Variants in ARFGEF2 observed in about 807,000 individuals in gnomAD.
ARFGEF2 encodes the protein brefeldin A-inhibited guanine nucleotide-exchange protein 2.
In ARFGEF2, 74 loss-of-function variants were observed where a neutral mutation model predicts 219.9. The observed-to-expected ratio is 0.34, with a 90% CI of 0.28 to 0.41. The LOEUF (loss-of-function observed/expected upper bound fraction) is 0.41. Ranked by LOEUF, ARFGEF2 falls within the 10% of genes least tolerant of loss-of-function variation. The pLI, the probability that ARFGEF2 is intolerant of heterozygous loss-of-function variation, is 1.00. For missense variants in ARFGEF2, 1,743 were observed against 2,218.3 expected, an observed-to-expected ratio of 0.79 and a Z score of 4.30; for synonymous variants, 733 against 799.2, an observed-to-expected ratio of 0.92 and a Z score of 1.40.
rs532409348 is a variant in ARFGEF2, at chr20:48,985,734, C to T, written c.2276+121C>T. 1.6e-5 allele frequency: 17 copies of T among 1,092,814 alleles called. No homozygotes were observed. The African/African-American group carries it at 1.9e-4, about 12-fold the overall frequency. 67.7% of individuals were successfully genotyped at this position (1,092,814 alleles called of 1,614,324 possible). A position where few individuals can be genotyped will look rare whatever the true frequency, so the allele number is the denominator to read the frequency against. The stretch of plus-strand genomic sequence containing the variant: ...GCCAAGCAACTGAAGCTTTTGTTTA[C>T]CGTGTGCCAGGCACTGTGCTAAGGG... On this transcript the variant is annotated intron_variant, in intron 16 of 38. Coordinates refer to ENST00000371917, the MANE Select transcript of ARFGEF2 (RefSeq NM_006420.3).
rs2091225877 is a variant in ARFGEF2, at chr20:48,971,240, T to C, written c.1311T>C (p.Cys437=). ...TCAATGCAATCAAGCAATATCTCTG[T>C]GTGGCCTTGTCCAAAAACGGCGTCT... The part of the protein sequence containing the change: ...MFINAIKQYL[C]VALSKNGVSS... The change falls in exon 10 of 39, where the codon TGT becomes TGC. Residue 437 remains cysteine (C), a synonymous_variant. Coordinates refer to ENST00000371917, the MANE Select transcript of ARFGEF2 (RefSeq NM_006420.3). The C allele has an allele frequency of 6.2e-7, 1 of 1,614,098 alleles. No homozygotes were observed. The highest frequency in any genetic ancestry group is 1.3e-5 in the African/African-American group (1 of 74,916).
At chr20:48,953,041 TC>T (rs1166706199) in intron 5 of ARFGEF2, among the ~76,000 whole-genome samples, 157 bp downstream of exon 5, 1 of 152,220 alleles carries the variant, frequency 6.6e-6, no homozygotes, top group Non-Finnish European at 1.5e-5. Flanking sequence ...GCTTTAAAAA[TC>T]AGAGAAACTA....
chr20:49,017,284 T>C lies in ARFGEF2; in HGVS notation c.4351T>C (p.Leu1451=), dbSNP rs2091536307. The C allele has an allele frequency of 6.2e-7, 1 of 1,614,040 alleles. No homozygotes were observed. Residue 1451 remains leucine (L), a synonymous_variant, in exon 32 of 39, where the codon TTA becomes CTA. Coordinates refer to ENST00000371917, the MANE Select transcript of ARFGEF2 (RefSeq NM_006420.3). ...GTTGGCGCGATCAGGTACAAATTGC[T>C]TAGAAAACTTAGTAATATCCAATGG... The part of the protein sequence containing the change: ...EQLARSGTNC[L]ENLVISNGEK...
At chr20:48,979,035 C>T (rs1349239455) in intron 14 of ARFGEF2, among the ~76,000 whole-genome samples, 1 of 152,198 alleles carries the variant, frequency 6.6e-6, no homozygotes, top group Non-Finnish European at 1.5e-5. Flanking sequence ...TGAGAGACAG[C>T]ATCCCTATCT....
At chr20:49,023,308 C>A in intron 35 of ARFGEF2, 127 bp downstream of exon 35, 1 of 1,286,236 alleles carries the variant, frequency 7.8e-7, no homozygotes, top group Admixed American at 2.0e-5. Flanking sequence ...TCCAACCTCA[C>A]ATTCAGTGAT....
chr20:48,958,070 G>A (rs1163620440), intron 6 of ARFGEF2, among the ~76,000 whole-genome samples: 6 of 152,266 alleles, frequency 3.9e-5, no homozygotes, highest in East Asian at 1.9e-4. Flanking sequence ...AGTGTGATTC[G>A]TTGGAAATTT....
At chr20:48,974,628 T>G (rs1824747856) in intron 12 of ARFGEF2, 138 bp from the exon 13 acceptor site, 1 of 700,270 alleles carries the variant, frequency 1.4e-6, no homozygotes, top group Admixed American at 2.1e-5. Context: ...TTCTTAGCTC[T>G]GGGTTTGTTT....
At chr20:49,015,049 TA>T in intron 30 of ARFGEF2, among the ~76,000 whole-genome samples, 1 of 152,340 alleles carries the variant, frequency 6.6e-6, no homozygotes, top group South Asian at 2.1e-4. Flanking sequence ...TTCTTAAACT[TA>T]ATACATGAGT....
intron 3 of ARFGEF2, among the ~76,000 whole-genome samples, chr20:48,944,387 C>T (rs527942495): frequency 3.9e-5 from 6 of 152,244 alleles, no homozygotes; most frequent in East Asian, 3.9e-4. Context: ...CTTCATTCAC[C>T]GTACCGTGTG....
At chr20:48,992,196 C>CTTGTTATAAGAG (rs1439122131) in intron 21 of ARFGEF2, among the ~76,000 whole-genome samples, 2 of 152,176 alleles carry the variant, frequency 1.3e-5, no homozygotes, top group East Asian at 3.8e-4. Context: ...GATTGTGAGG[C>CTTGTTATAAGAG]ATTGTCTCTC....
At chr20:48,935,941 G>GGT (rs1408727942) in intron 1 of ARFGEF2, among the ~76,000 whole-genome samples, 2 of 132,646 alleles carry the variant, frequency 1.5e-5, no homozygotes, top group African/African-American at 3.0e-5. Context: ...GCTGGCCGGG[G>GGT]GGGGGGGCTG....
intron 3 of ARFGEF2, among the ~76,000 whole-genome samples, chr20:48,950,049 A>G (rs909228334): frequency 1.3e-5 from 2 of 152,172 alleles, no homozygotes; most frequent in Non-Finnish European, 2.9e-5. Context: ...GAGCTCCCTC[A>G]GGTGATTATG....
chr20:49,030,327 T>C (rs1243116887), intron 37 of ARFGEF2, among the ~76,000 whole-genome samples: 1 of 152,080 alleles, frequency 6.6e-6, no homozygotes, highest in Non-Finnish European at 1.5e-5. Context: ...AATTGGGGCA[T>C]TTTATTTGTT....
chr20:48,938,979 TG>T lies in ARFGEF2; in HGVS notation c.122-2219del, dbSNP rs1345014298. 1.6e-4 allele frequency among the ~76,000 whole-genome samples: 24 copies of T among 148,792 alleles called. 2 individuals carry two copies. Among genetic ancestry groups the T allele is most frequent in the South Asian group, 6.4e-4 (3 of 4,668 alleles). On this transcript the variant is annotated intron_variant, in intron 1 of 38. Transcript: ENST00000371917. The stretch of plus-strand genomic sequence containing the variant: ...GTTTGTTTTATGGGTTTTTTTTGTT[TG>T]TTTTTTTTTTTTTTGAGAAAGTCTC...
rs1225362078 is a variant in ARFGEF2 at position 49,023,191 on chromosome 20, G to A, written c.4755+10G>A. 1 of 1,613,914 alleles carries A rather than the reference G, an allele frequency of 6.2e-7. No individual in the cohort carries two copies. Among genetic ancestry groups the A allele is most frequent in the African/African-American group, 1.3e-5 (1 of 74,916 alleles). On this transcript the variant is annotated intron_variant, in intron 35 of 38. Transcript: ENST00000371917. Reference sequence around the variant, plus strand: ...CATGGTTGCCGCCCAGGTAAGAACAGGAGGCCTCAGGAAGAGCATCCCTGT... The same window carrying A: ...CATGGTTGCCGCCCAGGTAAGAACAAGAGGCCTCAGGAAGAGCATCCCTGT...
chr20:48,986,849 G>A (rs1230561909), intron 16 of ARFGEF2, among the ~76,000 whole-genome samples: 2 of 152,068 alleles, frequency 1.3e-5, no homozygotes, highest in African/African-American at 4.8e-5. Context: ...ACAGGTGCAT[G>A]CCACTGTGCC....
At chr20:48,946,420 G>A (rs534228147) in intron 3 of ARFGEF2, among the ~76,000 whole-genome samples, 43 of 151,852 alleles carry the variant, frequency 2.8e-4, no homozygotes, top group Non-Finnish European at 4.6e-4. Flanking sequence ...GGGGGTTAAG[G>A]TCAGTCTTGT....
intron 35 of ARFGEF2, 141 bp from the exon 36 acceptor site, chr20:49,025,172 G>A: frequency 1.1e-6 from 1 of 875,954 alleles, no homozygotes; most frequent in South Asian, 1.4e-5. Flanking sequence ...AAATGGAAAT[G>A]TTTCAGGGTG....
chr20:48,960,448 C>T (rs2091140198), intron 6 of ARFGEF2, among the ~76,000 whole-genome samples: 1 of 151,928 alleles, frequency 6.6e-6, no homozygotes, highest in Non-Finnish European at 1.5e-5. Context: ...TTTATAAACA[C>T]TGTACACTTA....
Sources: allele counts gnomAD v4.1 joint callset (sites outside exome capture counted in the v4.1 genomes callset), GRCh38; gene constraint gnomAD v4.1.1; transcripts MANE v1.5; gene names NCBI Gene and HGNC (gene_info 2026-07-23, HGNC 2026-07-21).